Variants in ASL observed in about 807,000 individuals in gnomAD.
ASL encodes the protein argininosuccinate lyase, also known as argininosuccinase.
A neutral mutation model predicts 69.1 loss-of-function variants in ASL; 51 were observed. The ratio of observed to expected loss-of-function variants is 0.74; its 90% CI spans 0.59 to 0.93. The LOEUF is 0.93. Among genes scored for constraint, ASL ranks in the 40% least tolerant of loss-of-function variants. The pLI is 0.00. For missense variants in ASL, 540 were observed against 623.9 expected, an observed-to-expected ratio of 0.87 and a Z score of 1.43; for synonymous variants, 241 against 247.6, an observed-to-expected ratio of 0.97 and a Z score of 0.25.
chr7:66,092,161 G>T, intron 15 of ASL, 75 bp downstream of exon 15: 1 of 1,550,036 alleles, frequency 6.5e-7, no homozygotes, highest in Non-Finnish European at 8.8e-7. Context: ...CTCAGGAATG[G>T]GTGCAAGCGG....
At chr7:66,086,127 C>G (rs1207074418) in intron 6 of ASL, among the ~76,000 whole-genome samples, 1 of 152,100 alleles carries the variant, frequency 6.6e-6, no homozygotes, top group Non-Finnish European at 1.5e-5. Flanking sequence ...AAAACAGGAC[C>G]ATCACTCACA....
At chr7:66,080,444 C>T (rs1472778646) in intron 2 of ASL, among the ~76,000 whole-genome samples, 3 of 150,394 alleles carry the variant, frequency 2.0e-5, no homozygotes, top group African/African-American at 4.9e-5. Context: ...AAAACAGGCT[C>T]GGCACAGTGG....
At position 66,086,758 on chromosome 7, in the gene ASL, T is replaced by C; in HGVS notation, c.539T>C (p.Leu180Pro). 6.2e-7 allele frequency: 1 copy of C among 1,604,660 alleles called. No homozygotes were observed. The highest frequency in any genetic ancestry group is 8.5e-7 in the Non-Finnish European group (1 of 1,176,140). ...SHWILSHAVA[L>P]TRDSERLLEV... The stretch of plus-strand genomic sequence containing the variant: ...GCTTCCCACAGCCACGCCGTGGCAC[T>C]GACCCGAGACTCTGAGCGGCTGCTG... The change falls in exon 8 of 17, where the codon CTG becomes CCG. Residue 180 changes from leucine to proline, a missense_variant. Coordinates refer to ENST00000304874, the MANE Select transcript of ASL (RefSeq NM_000048.4).
At chr7:66,080,714 ACTCTAT>A (rs1384881026) in intron 2 of ASL, among the ~76,000 whole-genome samples, 2 of 152,132 alleles carry the variant, frequency 1.3e-5, no homozygotes, top group African/African-American at 4.8e-5. Flanking sequence ...ACAGAGTGAG[ACTCTAT>A]CTCAAAGAAA....
rs1386112870 is a variant in ASL at position 66,092,662 on chromosome 7, A to C, written c.1249A>C (p.Ser417Arg). ...GTCACTGCAGGAGCTGCAGACCATC[A>C]GGTACGGCCCATCCCCTTCCCCATG... Reference protein sequence around the residue: ...QLSLQELQTISPLFSGDVICV... With the variant: ...QLSLQELQTIRPLFSGDVICV... Residue 417 changes from serine (S) to arginine (R), a missense_variant and splice_region_variant, in exon 16 of 17, where the codon AGC (serine) becomes CGC (arginine). By Grantham distance (110) the Ser-to-Arg change is moderately radical. Transcript: ENST00000304874. 1.2e-6 allele frequency: 2 copies of C among 1,613,714 alleles called. No individual in the cohort carries two copies.
At chr7:66,084,572 T>G in intron 6 of ASL, among the ~76,000 whole-genome samples, 1 of 152,044 alleles carries the variant, frequency 6.6e-6, no homozygotes, top group East Asian at 1.9e-4. Context: ...CTCAAACTCC[T>G]GGACTCAAAT....
chr7:66,092,005 G>C lies in ASL; in HGVS notation c.1063-1G>C. 1 of 1,613,462 alleles carries C rather than the reference G, an allele frequency of 6.2e-7. No homozygotes were observed. Among genetic ancestry groups the C allele is most frequent in the Non-Finnish European group, 8.5e-7 (1 of 1,180,006 alleles). ...CACCACTCGCCCACCTGTGCCCCCA[G>C]ATTCACCAAGAGAACATGGGACAGG... is the stretch of plus-strand genomic sequence containing the variant. On this transcript the variant is annotated splice_acceptor_variant, in intron 14 of 16. Coordinates refer to ENST00000304874, the MANE Select transcript of ASL (RefSeq NM_000048.4). LOFTEE classifies it high-confidence loss of function.
rs1335690979 is a variant in ASL, at chr7:66,092,417, C to T, written c.1144-140C>T. On this transcript the variant is annotated intron_variant, in intron 15 of 16. Transcript: ENST00000304874. ...TTTGCGGTGAGGTGAGATCGCGCCA[C>T]TGCACTCCAGCCTGGGCAACAGAGC... 6 of 825,096 alleles carry T rather than the reference C, an allele frequency of 7.3e-6. No homozygotes were observed. In the Admixed American group the frequency reaches 1.4e-4, roughly 19 times the overall value. The allele number at this position is 825,096 out of a possible 1,614,324, so 51.1% of individuals were successfully genotyped here. A position where few individuals can be genotyped will look rare whatever the true frequency, so the allele number is the denominator to read the frequency against.
chr7:66,093,141 C>G lies in ASL; in HGVS notation c.*229C>G. On this transcript the variant is annotated 3_prime_UTR_variant, in exon 17 of 17. Coordinates refer to ENST00000304874, the MANE Select transcript of ASL (RefSeq NM_000048.4). ...CACAGCCTGGGCAACACAGGGAGACCCCCATCTCTACTCAATAATAAAACA... is the reference window on the plus strand; with the variant it reads ...CACAGCCTGGGCAACACAGGGAGACGCCCATCTCTACTCAATAATAAAACA... 1.6e-6 allele frequency: 1 copy of G among 638,126 alleles called. No homozygotes were observed. The highest frequency in any genetic ancestry group is 2.7e-6 in the Non-Finnish European group (1 of 368,358). 39.5% of individuals were successfully genotyped at this position (638,126 alleles called of 1,614,324 possible).
intron 2 of ASL, among the ~76,000 whole-genome samples, chr7:66,077,908 G>A (rs1225939623): frequency 6.6e-6 from 1 of 152,040 alleles, no homozygotes; most frequent in Non-Finnish European, 1.5e-5. Flanking sequence ...TACCACACTA[G>A]GCCTCCACTC....
rs139531479 is a variant in ASL, at chr7:66,092,900, A to C, written c.1383A>C (p.Ala461=). 27 of 1,608,248 alleles carry C rather than the reference A, an allele frequency of 1.7e-5. No individual in the cohort carries two copies. In the African/African-American group the frequency reaches 3.6e-4, roughly 21 times the overall value. The change falls in exon 17 of 17, where the codon GCA becomes GCC. Residue 461 remains alanine (A), a synonymous_variant. Transcript: ENST00000304874. ...QIRQVRALLQ[A]QQA ...GCCAGGTGCGGGCGCTACTGCAGGC[A>C]CAGCAGGCCTAGGTCCTCCCACACC...
intron 2 of ASL, among the ~76,000 whole-genome samples, chr7:66,078,854 C>T (rs555293462): frequency 4.6e-5 from 7 of 151,902 alleles, no homozygotes; most frequent in East Asian, 1.9e-4. Context: ...AGGCTGATCT[C>T]GAACTCCTGA....
At chr7:66,091,813 A>T (rs1786850993) in intron 14 of ASL, 193 bp from the exon 15 acceptor site, 2 of 640,302 alleles carry the variant, frequency 3.1e-6, no homozygotes, top group Admixed American at 4.8e-5. Flanking sequence ...CAGGCCAGTA[A>T]GTGTTCATAG....
chr7:66,091,840 C>T (rs1786851748), intron 14 of ASL, 166 bp from the exon 15 acceptor site: 13 of 715,340 alleles, frequency 1.8e-5, no homozygotes, highest in Non-Finnish European at 2.5e-5. Flanking sequence ...TAAATATTAT[C>T]GATAATTATG....
chr7:66,086,083 G>A (rs1157990554), intron 6 of ASL, among the ~76,000 whole-genome samples: 1 of 152,086 alleles, frequency 6.6e-6, no homozygotes, highest in Non-Finnish European at 1.5e-5. Flanking sequence ...ACGAGACCTT[G>A]TCTCTAAAAA....
chr7:66,088,794 C>A lies in ASL; in HGVS notation c.719-13C>A, dbSNP rs376815521. On this transcript the variant is annotated splice_polypyrimidine_tract_variant and intron_variant, in intron 10 of 16. Transcript: ENST00000304874. ...ATGGGAGAGGCCTGGTGACTGGGAACCTTTTCTCCCAGCCGAGTTCCTGTT... is the reference window on the plus strand; with the variant it reads ...ATGGGAGAGGCCTGGTGACTGGGAAACTTTTCTCCCAGCCGAGTTCCTGTT... 3.7e-6 allele frequency: 6 copies of A among 1,607,872 alleles called. No homozygotes were observed. Among genetic ancestry groups the A allele is most frequent in the East Asian group, 2.2e-5 (1 of 44,854 alleles).
At chr7:66,086,984 C>A in intron 8 of ASL, 163 bp downstream of exon 8, 3 of 894,828 alleles carry the variant, frequency 3.4e-6, no homozygotes, top group South Asian at 1.7e-5. Flanking sequence ...GACGACCAAG[C>A]CATTGAATGT....
rs1293737779 is a variant in ASL at position 66,082,364 on chromosome 7, A to G, written c.208-4A>G. On this transcript the variant is annotated splice_region_variant and splice_polypyrimidine_tract_variant and intron_variant, in intron 3 of 16. Coordinates refer to ENST00000304874, the MANE Select transcript of ASL (RefSeq NM_000048.4). ...GACCCCGGCATTGCTGCTACCCACT[A>G]CAGGTGGCTGAGGAGTGGGCCCAGG... 1.1e-5 allele frequency: 18 copies of G among 1,610,648 alleles called. No individual in the cohort carries two copies. Among genetic ancestry groups the G allele is most frequent in the Admixed American group, 1.7e-5 (1 of 59,472 alleles).
rs1554328490 is a variant in ASL, at chr7:66,092,865, T to G, written c.1348T>G (p.Trp450Gly). The G allele has an allele frequency of 3.7e-6, 6 of 1,612,492 alleles. No homozygotes were observed. The highest frequency in any genetic ancestry group is 5.1e-6 in the Non-Finnish European group (6 of 1,179,952). Residue 450 changes from tryptophan (W) to glycine (G), a missense_variant, in exon 17 of 17, where the codon TGG (tryptophan) becomes GGG (glycine). Physicochemically the swap from Trp to Gly is radical, Grantham distance 184. Transcript: ENST00000304874. ...CGGCACTGCGCGCTCCAGCGTCGACTGGCAGATCCGCCAGGTGCGGGCGCT... is the reference window on the plus strand; with the variant it reads ...CGGCACTGCGCGCTCCAGCGTCGACGGGCAGATCCGCCAGGTGCGGGCGCT... ...LGGTARSSVD[W>G]QIRQVRALLQ...
Sources: allele counts gnomAD v4.1 joint callset (sites outside exome capture counted in the v4.1 genomes callset), GRCh38; gene constraint gnomAD v4.1.1; transcripts MANE v1.5; gene names NCBI Gene and HGNC (gene_info 2026-07-23, HGNC 2026-07-21).